The following SULF1 variants were observed in gnomAD, a reference collection of about 807,000 sequenced individuals.
The protein encoded by SULF1 is sulfatase 1.
In SULF1, 46 loss-of-function variants were observed where a neutral mutation model predicts 110.5. The ratio of observed to expected loss-of-function variants is 0.42; its 90% CI spans 0.33 to 0.53. SULF1 has a LOEUF of 0.53. SULF1 is among the 20% of genes least tolerant of loss of function. The pLI is 0.12. For missense variants in SULF1, 941 were observed against 1,094.2 expected (o/e 0.86, Z 1.98); for synonymous variants, 371 against 387.1 (o/e 0.96, Z 0.49).
intron 8 of SULF1, among the ~76,000 whole-genome samples, chr8:69,595,476 A>C (rs1232687517): frequency 6.6e-6 from 1 of 152,242 alleles, no homozygotes. Context: ...CTATCTACAG[A>C]TATTTGAACT....
At position 69,579,785 on chromosome 8, in the gene SULF1, A is replaced by G. The variant is rs182243098; in HGVS notation, c.412+3576A>G. On this transcript the variant is annotated intron_variant, in intron 6 of 22. Coordinates refer to ENST00000402687, the MANE Select transcript of SULF1 (RefSeq NM_001128205.2). ...ATCTTAGAAAATTAAGAGAATTGGTAGGTAGATATTAAACCAATGTAATTA... is the reference window on the plus strand; with the variant it reads ...ATCTTAGAAAATTAAGAGAATTGGTGGGTAGATATTAAACCAATGTAATTA... Among the ~76,000 whole-genome samples, 10 of 152,338 alleles carry G rather than the reference A, an allele frequency of 6.6e-5. No individual in the cohort carries two copies. In the East Asian group the frequency reaches 1.9e-3, roughly 29 times the overall value.
intron 2 of SULF1, among the ~76,000 whole-genome samples, chr8:69,496,834 G>T (rs747164927): frequency 6.6e-6 from 1 of 152,316 alleles, no homozygotes; most frequent in Non-Finnish European, 1.5e-5. Flanking sequence ...TGGATAGTTC[G>T]CAGCTGTGAA....
intron 6 of SULF1, 52 bp downstream of exon 6, chr8:69,576,261 C>T: frequency 1.9e-6 from 3 of 1,556,464 alleles, no homozygotes; most frequent in Non-Finnish European, 2.6e-6. Context: ...GTCTTAGACT[C>T]AGGAAGAAGT....
At chr8:69,618,636 C>A (rs1211134714) in intron 13 of SULF1, among the ~76,000 whole-genome samples, 1 of 152,158 alleles carries the variant, frequency 6.6e-6, no homozygotes, top group African/African-American at 2.4e-5. Context: ...AGATGCTAAA[C>A]GTTCAAGACA....
At chr8:69,588,613 T>C (rs1806639263) in intron 7 of SULF1, among the ~76,000 whole-genome samples, 1 of 152,200 alleles carries the variant, frequency 6.6e-6, no homozygotes, top group African/African-American at 2.4e-5. Context: ...ATTACATCAA[T>C]GAAACCTGAG....
At chr8:69,575,333 A>G (rs1186402551) in intron 5 of SULF1, among the ~76,000 whole-genome samples, 2 of 152,066 alleles carry the variant, frequency 1.3e-5, no homozygotes, top group Non-Finnish European at 2.9e-5. Flanking sequence ...CAAACAGCCT[A>G]TCTTTAAAAA....
Position 69,659,466 on chromosome 8 carries a change from G to A in SULF1, c.*931G>A, listed in dbSNP as rs997342711. ...GAAGCTAGTGAGCATGTGAGCAAGC[G>A]GTGTGCACACGGAGACTCATCGTTA... On this transcript the variant is annotated 3_prime_UTR_variant, in exon 23 of 23. Transcript: ENST00000402687. 2.5e-5 allele frequency: 8 copies of A among 321,216 alleles called. No homozygotes were observed. Among genetic ancestry groups the A allele is most frequent in the Admixed American group, 4.7e-5 (1 of 21,248 alleles). The allele number at this position is 321,216 out of a possible 1,614,324, so 19.9% of individuals were successfully genotyped here.
intron 5 of SULF1, among the ~76,000 whole-genome samples, chr8:69,571,785 A>C (rs1271720834): frequency 6.6e-6 from 1 of 152,334 alleles, no homozygotes; most frequent in East Asian, 1.9e-4. Context: ...TCAATGGCAC[A>C]ATCACAGTGG....
chr8:69,655,271 G>A (rs976397880), intron 22 of SULF1, among the ~76,000 whole-genome samples: 1 of 152,106 alleles, frequency 6.6e-6, no homozygotes, highest in African/African-American at 2.4e-5. Flanking sequence ...AAGAGGAATA[G>A]GTCCAGACTT....
At chr8:69,489,555 A>G (rs1372858158), upstream of SULF1, among the ~76,000 whole-genome samples, 1 of 124,400 alleles carries the variant, frequency 8.0e-6, no homozygotes, top group African/African-American at 3.0e-5. Context: ...TCTGCCCTCC[A>G]TTTTTCTTTC....
rs747118916 is a variant in SULF1, at chr8:69,638,659, G to A, written c.2427+15G>A. ...ATCCTTATCAGGTAAGACAATATAT[G>A]TTCATTTTATGAAGGTTGTTGAAAA... On this transcript the variant is annotated intron_variant, in intron 20 of 22. Coordinates refer to ENST00000402687, the MANE Select transcript of SULF1 (RefSeq NM_001128205.2). 4 of 1,611,982 alleles carry A rather than the reference G, an allele frequency of 2.5e-6. No homozygotes were observed. The South Asian group carries it at 3.3e-5, about 13-fold the overall frequency.
chr8:69,581,363 C>T (rs1806051477), intron 6 of SULF1, among the ~76,000 whole-genome samples: 1 of 152,174 alleles, frequency 6.6e-6, no homozygotes, highest in South Asian at 2.1e-4. Flanking sequence ...AATTCCTTGG[C>T]TTCAGGTAGT....
chr8:69,637,937 T>TA (rs1398416134), intron 19 of SULF1: 1 of 154,058 alleles, frequency 6.5e-6, no homozygotes, highest in African/African-American at 2.4e-5. Context: ...CTATGTGGTA[T>TA]AAAAGATGTT....
At chr8:69,526,611 A>AAG (rs1358382423) in intron 3 of SULF1, among the ~76,000 whole-genome samples, 2,516 of 135,826 alleles carry the variant, frequency 0.019, 27 homozygotes, top group African/African-American at 0.046. Context: ...AAAAAAAAAA[A>AAG]AAAGAAAGAA....
intron 8 of SULF1, among the ~76,000 whole-genome samples, chr8:69,598,323 AT>A (rs1490234884): frequency 6.6e-6 from 1 of 152,150 alleles, no homozygotes; most frequent in Non-Finnish European, 1.5e-5. Context: ...TGTTCTAGGC[AT>A]TTTAAGTGCT....
chr8:69,478,817 G>A (rs144547165), intron 1 of SULF1, among the ~76,000 whole-genome samples: 38 of 152,156 alleles, frequency 2.5e-4, no homozygotes, highest in African/African-American at 8.9e-4. Context: ...TGAGTTTTGA[G>A]CCTCTGCATC....
chr8:69,493,791 A>G (rs2150558495), intron 1 of SULF1, among the ~76,000 whole-genome samples: 1 of 152,356 alleles, frequency 6.6e-6, no homozygotes, highest in South Asian at 2.1e-4. Context: ...CTAACTTTTT[A>G]AGCACAGGCA....
Position 69,593,739 on chromosome 8 carries a change from A to G in SULF1, c.734+4598A>G, listed in dbSNP as rs571951583. Among the ~76,000 whole-genome samples, 5 of 152,338 alleles carry G rather than the reference A, an allele frequency of 3.3e-5. No homozygotes were observed. In the South Asian group the frequency reaches 1.0e-3, roughly 32 times the overall value. ...TCATGGCCACTGAGAAATCTGAGAA[A>G]GCCTCTGTCATAATAACACACATAA... On this transcript the variant is annotated intron_variant, in intron 8 of 22. Transcript: ENST00000402687.
intron 22 of SULF1, among the ~76,000 whole-genome samples, chr8:69,655,497 G>T (rs1031814898): frequency 6.6e-6 from 1 of 152,152 alleles, no homozygotes. Context: ...TCTTTATCAA[G>T]ATAGTTGCTC....
Sources: gnomAD v4.1 joint callset for allele counts (sites outside exome capture counted in the v4.1 genomes callset) on GRCh38, gnomAD v4.1.1 for gene constraint, MANE v1.5 for transcripts, NCBI Gene and HGNC (gene_info 2026-07-23, HGNC 2026-07-21) for gene names.